PLA2G6: variants seen among roughly 807,000 people sequenced by gnomAD.
PLA2G6 encodes the protein phospholipase A2 group VI.
In PLA2G6, 62 loss-of-function variants were observed where a neutral mutation model predicts 83.8. The ratio of observed to expected loss-of-function variants is 0.74; its 90% CI spans 0.60 to 0.91. The LOEUF (loss-of-function observed/expected upper bound fraction) is 0.91. Ranked by LOEUF, PLA2G6 falls within the 40% of genes least tolerant of loss-of-function variation. The pLI is 0.00. For missense variants in PLA2G6, 944 were observed against 1,102.0 expected, an observed-to-expected ratio of 0.86 and a Z score of 2.03; for synonymous variants, 417 against 449.8, an observed-to-expected ratio of 0.93 and a Z score of 0.92.
At chr22:38,147,148 G>A (rs1200628329) in intron 2 of PLA2G6, 1 of 152,110 alleles carries the variant, frequency 6.6e-6, no homozygotes, top group Non-Finnish European at 1.5e-5. Context: ...TGTGATCTTG[G>A]GAAATCCTTT....
chr22:38,116,183 G>A lies in PLA2G6; in HGVS notation c.1771C>T (p.Arg591Trp), dbSNP rs1043378899. Residue 591 changes from arginine (R) to tryptophan (W), a missense_variant, in exon 13 of 17, where the codon CGG becomes TGG. Arg to Trp is a moderately radical substitution (Grantham distance 101). Coordinates refer to ENST00000332509, the MANE Select transcript of PLA2G6 (RefSeq NM_003560.4). ...AAGAGGTGGAGTTCAGCCGGCTGCCGGTCAGACAGTGTCCCTGTCAGCATC... is the reference window on the plus strand; with the variant it reads ...AAGAGGTGGAGTTCAGCCGGCTGCCAGTCAGACAGTGTCCCTGTCAGCATC... ...KVMLTGTLSD[R>W]QPAELHLFRN... The A allele has an allele frequency of 5.6e-6, 9 of 1,613,846 alleles. No individual in the cohort carries two copies. The highest frequency in any genetic ancestry group is 4.0e-5 in the African/African-American group (3 of 74,920).
At chr22:38,117,128 C>CA (rs373568121) in intron 12 of PLA2G6, among the ~76,000 whole-genome samples, 49,376 of 151,580 alleles carry the variant, frequency 0.33, 8,497 homozygotes, top group South Asian at 0.43. Flanking sequence ...CTAACTCTTC[C>CA]AAGAAAAATA....
intron 2 of PLA2G6, chr22:38,148,119 G>A: frequency 4.5e-6 from 1 of 224,446 alleles, no homozygotes. Flanking sequence ...ACTCATCACT[G>A]GAATTAGCAT....
intron 13 of PLA2G6, 71 bp from the exon 14 acceptor site, chr22:38,115,752 A>G (rs1475460699): frequency 2.6e-6 from 4 of 1,524,034 alleles, no homozygotes; most frequent in Non-Finnish European, 3.5e-6. Context: ...TCCAGATCTC[A>G]GGGTGTGCGT....
intron 12 of PLA2G6, 96 bp downstream of exon 12, chr22:38,120,663 T>C: frequency 6.8e-7 from 1 of 1,461,828 alleles, no homozygotes; most frequent in African/African-American, 1.4e-5. Flanking sequence ...TGGGGCGCTC[T>C]TCCCCCTCCC....
intron 10 of PLA2G6, among the ~76,000 whole-genome samples, chr22:38,125,370 CAG>C (rs970354203): frequency 6.6e-6 from 1 of 152,070 alleles, no homozygotes; most frequent in Non-Finnish European, 1.5e-5. Context: ...GCAGGGGGCA[CAG>C]GGGAGGGAAT....
At position 38,132,649 on chromosome 22, in the gene PLA2G6, G is replaced by C. The variant is rs1016649074; in HGVS notation, c.1077+182C>G. On this transcript the variant is annotated intron_variant, in intron 7 of 16. Transcript: ENST00000332509. The surrounding 1 kb of genome is among the most constrained non-coding windows in gnomAD (Gnocchi z 5.0). The stretch of plus-strand genomic sequence containing the variant: ...AGGAGGTGGTGTTATTTTGGGCTGA[G>C]AGGGGGACTTGGAAGGCTTCCTGAG... The C allele has an allele frequency of 3.2e-6, 2 of 618,102 alleles. No homozygotes were observed. The highest frequency in any genetic ancestry group is 5.7e-6 in the Non-Finnish European group (2 of 350,306). 38.3% of individuals were successfully genotyped at this position (618,102 alleles called of 1,614,324 possible). A position where few individuals can be genotyped will look rare whatever the true frequency, so the allele number is the denominator to read the frequency against.
intron 2 of PLA2G6, among the ~76,000 whole-genome samples, chr22:38,155,689 A>G (rs540493729): frequency 6.6e-6 from 1 of 152,240 alleles, no homozygotes; most frequent in African/African-American, 2.4e-5. Context: ...GATACACACA[A>G]AAAAATAAAA....
rs2087183988 is a variant in PLA2G6, at chr22:38,116,205, C to T, written c.1749G>A (p.Met583Ile). The change falls in exon 13 of 17, where the codon ATG (methionine) becomes ATA (isoleucine). Residue 583 changes from methionine (M) to isoleucine (I), a missense_variant. Transcript: ENST00000332509. ...KMTDVRKPKVMLTGTLSDRQP... is the reference protein window; with the variant it reads ...KMTDVRKPKVILTGTLSDRQP... Reference sequence around the variant, plus strand: ...GCCGGTCAGACAGTGTCCCTGTCAGCATCACCCTGGAGAGAAATGAGGCAG... The same window carrying T: ...GCCGGTCAGACAGTGTCCCTGTCAGTATCACCCTGGAGAGAAATGAGGCAG... The T allele has an allele frequency of 5.0e-6, 8 of 1,613,912 alleles. No individual in the cohort carries two copies. In the South Asian group the frequency reaches 7.7e-5, roughly 16 times the overall value.
At chr22:38,112,602 T>G (rs1490994942) in intron 15 of PLA2G6, 25 bp from the exon 16 acceptor site, 1 of 1,542,020 alleles carries the variant, frequency 6.5e-7, no homozygotes, top group African/African-American at 1.4e-5. Flanking sequence ...CCTTGGTGAG[T>G]GCCGGGCCCA....
intron 12 of PLA2G6, among the ~76,000 whole-genome samples, chr22:38,117,985 G>A (rs1454526930): frequency 6.7e-6 from 1 of 149,720 alleles, no homozygotes; most frequent in South Asian, 2.1e-4. Flanking sequence ...GCAGTGAGCC[G>A]AGATCGCGCC....
At chr22:38,156,634 T>C (rs2089792078) in intron 2 of PLA2G6, among the ~76,000 whole-genome samples, 1 of 152,068 alleles carries the variant, frequency 6.6e-6, no homozygotes, top group Non-Finnish European at 1.5e-5. Context: ...TTTGTATTTT[T>C]AGTAGAGACG....
chr22:38,120,696 G>C, intron 12 of PLA2G6, 63 bp downstream of exon 12: 1 of 1,591,936 alleles, frequency 6.3e-7, no homozygotes, highest in Non-Finnish European at 8.6e-7. Context: ...GGAGCCCTCT[G>C]TCCCCAGGGA....
At position 38,117,816 on chromosome 22, in the gene PLA2G6, T is replaced by G. The variant is rs532718188; in HGVS notation, c.1743-1605A>C. On this transcript the variant is annotated intron_variant, in intron 12 of 16. Coordinates refer to ENST00000332509, the MANE Select transcript of PLA2G6 (RefSeq NM_003560.4). The stretch of plus-strand genomic sequence containing the variant: ...ACTTTGGGAGGCCGAGGTGGGTGGA[T>G]CACGAGGTTAGGAGTTTGAGACTGG... 8.3e-4 allele frequency among the ~76,000 whole-genome samples: 126 copies of G among 152,066 alleles called. 1 individual carries two copies. The highest frequency in any genetic ancestry group is 3.0e-3 in the African/African-American group (124 of 41,506).
chr22:38,121,135 T>C, intron 11 of PLA2G6: 1 of 498,352 alleles, frequency 2.0e-6, no homozygotes, highest in Non-Finnish European at 3.7e-6. Flanking sequence ...CCCAGCACTT[T>C]GGGAGGCTGA....
At chr22:38,115,173 G>A (rs11570753) in intron 14 of PLA2G6, among the ~76,000 whole-genome samples, 5,312 of 152,278 alleles carry the variant, frequency 0.035, 329 homozygotes, top group African/African-American at 0.12. Flanking sequence ...CCGGCAACCC[G>A]TGGGGACAGG....
At chr22:38,171,826 A>G (rs891333560) in intron 1 of PLA2G6, among the ~76,000 whole-genome samples, 3 of 120,246 alleles carry the variant, frequency 2.5e-5, no homozygotes, top group Admixed American at 1.6e-4. Context: ...CGTCTCAGAA[A>G]AAAAAAAAAA....
At chr22:38,177,316 T>C (rs2090673767) in intron 1 of PLA2G6, among the ~76,000 whole-genome samples, 1 of 152,042 alleles carries the variant, frequency 6.6e-6, no homozygotes, top group South Asian at 2.1e-4. Flanking sequence ...AAATGTTCCC[T>C]CTGACCCCAG....
chr22:38,154,358 G>A (rs768243740), intron 2 of PLA2G6, among the ~76,000 whole-genome samples: 4 of 152,198 alleles, frequency 2.6e-5, no homozygotes, highest in Non-Finnish European at 5.9e-5. Context: ...TGGCCACAGA[G>A]GTGCCTGTGT....
Sources: gnomAD v4.1 joint callset for allele counts (sites outside exome capture counted in the v4.1 genomes callset) on GRCh38, gnomAD v4.1.1 for gene constraint, Gnocchi (gnomAD v3.1) non-coding constraint, MANE v1.5 for transcripts, NCBI Gene and HGNC (gene_info 2026-07-23, HGNC 2026-07-21) for gene names.